Variants in ZBTB4 observed in about 807,000 individuals in gnomAD.
ZBTB4 encodes zinc finger and BTB domain containing 4.
A neutral mutation model predicts 59.8 loss-of-function variants in ZBTB4; 14 were observed. That is an observed-to-expected ratio of 0.23 (90% confidence interval 0.15 to 0.37). ZBTB4 has a LOEUF of 0.37. ZBTB4 is among the 10% of genes least tolerant of loss of function. The probability of loss-of-function intolerance (pLI) is 1.00; values close to 1 mark genes in which losing one functional copy is unlikely to be tolerated. For missense variants in ZBTB4, 1,198 were observed against 1,380.8 expected (o/e 0.87, Z 2.10); for synonymous variants, 587 against 575.2 (o/e 1.02, Z -0.29).
At position 7,463,833 on chromosome 17, in the gene ZBTB4, G is replaced by A; in HGVS notation, c.1149C>T (p.His383=). ...GGCTAATGCCGTGGAAGGCTCGCTG[G>A]TGGGTCTTCAGGTTATAGTAAGTGA... The part of the protein sequence containing the change: ...TFVTYYNLKT[H]QRAFHGISPG... Residue 383 remains histidine, a synonymous_variant, in exon 4 of 4, where the codon CAC becomes CAT. Transcript: ENST00000380599. 6.2e-7 allele frequency: 1 copy of A among 1,614,156 alleles called. No homozygotes were observed. The highest frequency in any genetic ancestry group is 8.5e-7 in the Non-Finnish European group (1 of 1,180,028).
Position 7,463,321 on chromosome 17 carries a change from G to C in ZBTB4, c.1661C>G (p.Thr554Arg), listed in dbSNP as rs752288006. 2.5e-6 allele frequency: 4 copies of C among 1,608,760 alleles called. No individual in the cohort carries two copies. The highest frequency in any genetic ancestry group is 1.3e-5 in the African/African-American group (1 of 74,932). ...TGGATTCCGGCCCTTGGCCTCCTCC[G>C]TGGTGGTGGCCATGGCTGGCCCTGC... ...TAAGPAMATT[T>R]EEAKGRNPRA... is the part of the protein sequence containing the mutation. The change falls in exon 4 of 4, where the codon ACG (threonine) becomes AGG (arginine). Residue 554 changes from threonine (T) to arginine (R), a missense_variant. Physicochemically the swap from Thr to Arg is moderately conservative, Grantham distance 71. Transcript: ENST00000380599.
Position 7,463,670 on chromosome 17 carries a change from G to C in ZBTB4, c.1312C>G (p.Pro438Ala), listed in dbSNP as rs1189682447. The change falls in exon 4 of 4, where the codon CCC becomes GCC. Residue 438 changes from proline (P) to alanine (A), a missense_variant. Pro to Ala is a conservative substitution (Grantham distance 27). Coordinates refer to ENST00000380599, the MANE Select transcript of ZBTB4 (RefSeq NM_001128833.2). Reference protein sequence around the residue: ...KTYSQGAPEAPLSPTLNTPAP... With the variant: ...KTYSQGAPEAALSPTLNTPAP... Reference sequence around the variant, plus strand: ...GGTGTGTTGAGGGTTGGAGAAAGGGGAGCCTCCGGGGCTCCCTGGCTGTAG... The same window carrying C: ...GGTGTGTTGAGGGTTGGAGAAAGGGCAGCCTCCGGGGCTCCCTGGCTGTAG... 6.2e-7 allele frequency: 1 copy of C among 1,613,542 alleles called. No individual in the cohort carries two copies. The highest frequency in any genetic ancestry group is 1.7e-5 in the Admixed American group (1 of 59,948).
chr17:7,477,876 C>T lies in ZBTB4; in HGVS notation c.-81+1580G>A, dbSNP rs529536068. ...CCTTGTGGCCGCCCAGCCTCTCCTC[C>T]GGGTGACCCTGACACGCTGGGCAGG... On this transcript the variant is annotated intron_variant, in intron 1 of 3. Coordinates refer to ENST00000380599, the MANE Select transcript of ZBTB4 (RefSeq NM_001128833.2). Among the ~76,000 whole-genome samples the T allele has an allele frequency of 1.2e-3, 184 of 152,308 alleles. 3 individuals are homozygous for T. Among genetic ancestry groups the T allele is most frequent in the Admixed American group, 3.3e-3 (50 of 15,304 alleles).
In ZBTB4 at chr17:7,461,991, T is replaced by G. The variant is rs760540195; in HGVS notation, c.2991A>C (p.Gly997=). Residue 997 remains glycine (G), a synonymous_variant, in exon 4 of 4, where the codon GGA becomes GGC. Coordinates refer to ENST00000380599, the MANE Select transcript of ZBTB4 (RefSeq NM_001128833.2). ...PTLPPPIPPK[G]EGERAGVERT... is the part of the protein sequence containing the mutation. ...TCTCAACCCCTGCCCTTTCCCCTTC[T>G]CCCTTAGGGGGAATTGGTGGAGGAA... 1 of 1,594,532 alleles carries G rather than the reference T, an allele frequency of 6.3e-7. No homozygotes were observed. Among genetic ancestry groups the G allele is most frequent in the South Asian group, 1.1e-5 (1 of 88,404 alleles).
At chr17:7,481,547 C>G, upstream of ZBTB4, 16 of 1,510,948 alleles carry the variant, frequency 1.1e-5, no homozygotes, top group Non-Finnish European at 1.3e-5. Flanking sequence ...GGGCCTAGTA[C>G]TCCCTCCCTA....
chr17:7,468,359 G>C (rs1371514275), intron 1 of ZBTB4, among the ~76,000 whole-genome samples: 1 of 151,050 alleles, frequency 6.6e-6, no homozygotes, highest in Admixed American at 6.6e-5. Context: ...GGCAACAAGA[G>C]CAAAACTCCG....
intron 3 of ZBTB4, among the ~76,000 whole-genome samples, chr17:7,464,858 T>TA (rs919511040): frequency 8.0e-4 from 94 of 117,644 alleles, no homozygotes; most frequent in Admixed American, 1.5e-3. Flanking sequence ...AATGCCGTCT[T>TA]AAAAAAAAAA....
chr17:7,465,979 G>C lies in ZBTB4; in HGVS notation c.823C>G (p.Pro275Ala), dbSNP rs757912404. The change falls in exon 3 of 4, where the codon CCT becomes GCT. Residue 275 changes from proline (P) to alanine (A), a missense_variant. Transcript: ENST00000380599. ...STGLGAGGAG[P>A]GGPAGVDASA... ...GCGTCCACCCCTGCAGGACCACCAG[G>C]GCCAGCGCCCCCAGCTCCCAGCCCT... 3 of 1,602,046 alleles carry C rather than the reference G, an allele frequency of 1.9e-6. No individual in the cohort carries two copies. The highest frequency in any genetic ancestry group is 1.1e-5 in the South Asian group (1 of 90,486).
chr17:7,472,276 C>T (rs887894971), intron 1 of ZBTB4, among the ~76,000 whole-genome samples: 4 of 152,120 alleles, frequency 2.6e-5, no homozygotes, highest in East Asian at 1.9e-4. Flanking sequence ...CTGCAACCTC[C>T]GCCTCCTGGG....
intron 1 of ZBTB4, among the ~76,000 whole-genome samples, chr17:7,474,051 G>T (rs1038318689): frequency 6.6e-6 from 1 of 151,996 alleles, no homozygotes; most frequent in South Asian, 2.1e-4. Flanking sequence ...CAAAAACCTG[G>T]AACTACAGGC....
intron 1 of ZBTB4, among the ~76,000 whole-genome samples, chr17:7,473,285 T>C (rs1016560101): frequency 6.6e-6 from 1 of 151,400 alleles, no homozygotes; most frequent in African/African-American, 2.4e-5. Flanking sequence ...GCTAATTTTT[T>C]TTTGTATTTT....
At chr17:7,483,839 A>G (rs925621055), upstream of ZBTB4, among the ~76,000 whole-genome samples, 1 of 152,234 alleles carries the variant, frequency 6.6e-6, no homozygotes, top group African/African-American at 2.4e-5. Flanking sequence ...ACAGGCCAGG[A>G]GATGCCCACC....
chr17:7,481,769 G>A (rs1366509100), upstream of ZBTB4, among the ~76,000 whole-genome samples: 4 of 152,256 alleles, frequency 2.6e-5, no homozygotes, highest in Middle Eastern at 3.4e-3. Flanking sequence ...CCAGGGAAAC[G>A]ATGCTCCAGG....
upstream of ZBTB4, chr17:7,481,647 A>T (rs1189180300): frequency 1.4e-6 from 1 of 706,722 alleles, no homozygotes; most frequent in Non-Finnish European, 2.3e-6. Flanking sequence ...GTGTACCCAG[A>T]TGTCTCTGGA....
intron 1 of ZBTB4, among the ~76,000 whole-genome samples, chr17:7,472,493 T>A (rs1474601112): frequency 6.6e-6 from 1 of 151,950 alleles, no homozygotes; most frequent in Non-Finnish European, 1.5e-5. Context: ...CCAGCCTGGC[T>A]AATTTTTTTG....
rs2070129149 is a variant in ZBTB4 at position 7,466,553 on chromosome 17, A to G, written c.249T>C (p.Ala83=). 1 of 1,612,760 alleles carries G rather than the reference A, an allele frequency of 6.2e-7. No individual in the cohort carries two copies. Among genetic ancestry groups the G allele is most frequent in the Non-Finnish European group, 8.5e-7 (1 of 1,179,524 alleles). Residue 83 remains alanine (A), a synonymous_variant, in exon 3 of 4, where the codon GCT becomes GCC. Transcript: ENST00000380599. The surrounding 1 kb of genome is among the most constrained non-coding windows in gnomAD (Gnocchi z 9.1). ...AGGAAGAGGAGGAGGAGGAAGAGGC[A>G]GCTGTGGTGGTGGCAGGGTTGGGTG... ...GAAPNPATTT[A]ASSSSSSSSS...
Position 7,462,166 on chromosome 17 carries a change from C to T in ZBTB4, c.2816G>A (p.Ser939Asn). The T allele has an allele frequency of 6.2e-7, 1 of 1,613,854 alleles. No individual in the cohort carries two copies. The highest frequency in any genetic ancestry group is 8.5e-7 in the Non-Finnish European group (1 of 1,179,912). Residue 939 changes from serine (S) to asparagine (N), a missense_variant, in exon 4 of 4, where the codon AGT becomes AAT. Around this residue, in one of 9 missense-constraint regions of ZBTB4, gnomAD observed 211 missense variants for 236.1 expected, o/e 0.89. Coordinates refer to ENST00000380599, the MANE Select transcript of ZBTB4 (RefSeq NM_001128833.2). The surrounding 1 kb of genome is among the most constrained non-coding windows in gnomAD (Gnocchi z 7.5). Reference sequence around the variant, plus strand: ...AGCAACCGGGAGAGCGGCCAAGTTACTGAAGTTGTAAGGGTAGGCGGCAAG... The same window carrying T: ...AGCAACCGGGAGAGCGGCCAAGTTATTGAAGTTGTAAGGGTAGGCGGCAAG... ...QLLAAYPYNF[S>N]NLAALPVALN... is the part of the protein sequence containing the mutation.
Position 7,463,405 on chromosome 17 carries a change from G to A in ZBTB4, c.1577C>T (p.Pro526Leu), listed in dbSNP as rs766944500. 6 of 1,583,268 alleles carry A rather than the reference G, an allele frequency of 3.8e-6. No individual in the cohort carries two copies. The East Asian group carries it at 1.1e-4, about 30-fold the overall frequency. Residue 526 changes from proline to leucine, a missense_variant, in exon 4 of 4, where the codon CCC becomes CTC. By Grantham distance (98) the Pro-to-Leu change is moderately conservative. Around this residue, in one of 9 missense-constraint regions of ZBTB4, gnomAD observed 550 missense variants for 541.8 expected, o/e 1.02. Coordinates refer to ENST00000380599, the MANE Select transcript of ZBTB4 (RefSeq NM_001128833.2). ...PPKKREYPPPPPEPAATPTSP... is the reference protein window; with the variant it reads ...PPKKREYPPPLPEPAATPTSP... ...GGTGGGTGTGGCTGCAGGCTCAGGGGGAGGAGGTGGGTATTCTCGTTTCTT... is the reference window on the plus strand; with the variant it reads ...GGTGGGTGTGGCTGCAGGCTCAGGGAGAGGAGGTGGGTATTCTCGTTTCTT...
rs1567687362 is a variant in ZBTB4 at position 7,466,559 on chromosome 17, G to A, written c.243C>T (p.Thr81=). ...AGGAGGAGGAGGAAGAGGCAGCTGT[G>A]GTGGTGGCAGGGTTGGGTGCGGCGC... The part of the protein sequence containing the change: ...TGGAAPNPAT[T]TAASSSSSSS... Residue 81 remains threonine, a synonymous_variant, in exon 3 of 4, where the codon ACC becomes ACT. Transcript: ENST00000380599. This position sits in a 1 kb window ranked among gnomAD's most constrained non-coding sequence, Gnocchi z 9.1. 6.2e-7 allele frequency: 1 copy of A among 1,613,046 alleles called. No homozygotes were observed. Among genetic ancestry groups the A allele is most frequent in the Non-Finnish European group, 8.5e-7 (1 of 1,179,532 alleles).
Sources: gnomAD v4.1 joint callset for allele counts (sites outside exome capture counted in the v4.1 genomes callset) on GRCh38, gnomAD v4.1.1 for gene constraint, gnomAD v4.1.1 regional missense constraint, Gnocchi (gnomAD v3.1) non-coding constraint, MANE v1.5 for transcripts, NCBI Gene and HGNC (gene_info 2026-07-23, HGNC 2026-07-21) for gene names.